PDCD2L: variants seen among roughly 807,000 people sequenced by gnomAD.
PDCD2L encodes the protein programmed cell death 2 like.
In PDCD2L, 44 loss-of-function variants were observed where a neutral mutation model predicts 40.4. That is an observed-to-expected ratio of 1.09 (90% confidence interval 0.86 to 1.40). PDCD2L has a LOEUF of 1.40. Ranked by LOEUF, PDCD2L falls within the 40% of genes most tolerant of loss-of-function variation. PDCD2L has a pLI of 0.00. For missense variants in PDCD2L, 470 were observed against 453.7 expected (o/e 1.04, Z -0.33); for synonymous variants, 194 against 174.6 (o/e 1.11, Z -0.88).
At chr19:34,410,119 G>C (rs1393467795) in intron 4 of PDCD2L, among the ~76,000 whole-genome samples, 2 of 152,130 alleles carry the variant, frequency 1.3e-5, no homozygotes, top group African/African-American at 4.8e-5. Flanking sequence ...TTGACTGAGA[G>C]AGACAGGGTC....
At chr19:34,425,150 T>A (rs1568362368) in intron 6 of PDCD2L, among the ~76,000 whole-genome samples, 1 of 152,076 alleles carries the variant, frequency 6.6e-6, no homozygotes, top group Non-Finnish European at 1.5e-5. Context: ...ATATCAGGAG[T>A]TCTTATTGCT....
At position 34,404,444 on chromosome 19, in the gene PDCD2L, T is replaced by C; in HGVS notation, c.14T>C (p.Leu5Pro). 2 of 1,544,200 alleles carry C rather than the reference T, an allele frequency of 1.3e-6. No individual in the cohort carries two copies. Among genetic ancestry groups the C allele is most frequent in the Non-Finnish European group, 1.7e-6 (2 of 1,145,442 alleles). The change falls in exon 1 of 7, where the codon CTG becomes CCG. Residue 5 changes from leucine to proline, a missense_variant. Physicochemically the swap from Leu to Pro is moderately conservative, Grantham distance 98. Transcript: ENST00000246535. MAAVLKPVLLGLRDA... is the reference protein window; with the variant it reads MAAVPKPVLLGLRDA... ...CGCCCGGCGGCCATGGCGGCCGTTC[T>C]GAAGCCGGTGCTGCTGGGCCTTCGA...
Position 34,413,857 on chromosome 19 carries a change from G to A in PDCD2L, c.797+10G>A, listed in dbSNP as rs1352590132. 2 of 1,466,244 alleles carry A rather than the reference G, an allele frequency of 1.4e-6. No individual in the cohort carries two copies. The highest frequency in any genetic ancestry group is 1.9e-6 in the Non-Finnish European group (2 of 1,056,350). The allele number at this position is 1,466,244 out of a possible 1,614,324, so 90.8% of individuals were successfully genotyped here. A position where few individuals can be genotyped will look rare whatever the true frequency, so the allele number is the denominator to read the frequency against. On this transcript the variant is annotated intron_variant, in intron 5 of 6. Coordinates refer to ENST00000246535, the MANE Select transcript of PDCD2L (RefSeq NM_032346.2). ...AGGAGCAGATTTTGAGGTAAAAAAAGGCACAGTTCCTTTTATTGTTTTCCT... is the reference window on the plus strand; with the variant it reads ...AGGAGCAGATTTTGAGGTAAAAAAAAGCACAGTTCCTTTTATTGTTTTCCT...
intron 4 of PDCD2L, among the ~76,000 whole-genome samples, chr19:34,412,897 C>T (rs1398344414): frequency 6.6e-6 from 1 of 151,858 alleles, no homozygotes; most frequent in Non-Finnish European, 1.5e-5. Flanking sequence ...TGCCACCATG[C>T]CCAGCTAATT....
intron 4 of PDCD2L, among the ~76,000 whole-genome samples, chr19:34,412,024 A>G (rs2075106434): frequency 6.8e-6 from 1 of 147,858 alleles, no homozygotes; most frequent in Non-Finnish European, 1.5e-5. Context: ...AATATATATG[A>G]AAATATATAT....
chr19:34,414,060 ATACT>A (rs1396798761), intron 5 of PDCD2L, among the ~76,000 whole-genome samples: 3 of 152,172 alleles, frequency 2.0e-5, no homozygotes, highest in African/African-American at 7.2e-5. Flanking sequence ...TGTCTAACAA[ATACT>A]TACGAAGTCT....
intron 3 of PDCD2L, among the ~76,000 whole-genome samples, chr19:34,406,702 T>A (rs1307972021): frequency 6.6e-6 from 1 of 151,598 alleles, no homozygotes; most frequent in Non-Finnish European, 1.5e-5. Context: ...CAATACTCTA[T>A]TATTAACTAT....
At chr19:34,407,730 T>C (rs191783183) in intron 3 of PDCD2L, among the ~76,000 whole-genome samples, 20 of 152,300 alleles carry the variant, frequency 1.3e-4, no homozygotes, top group Admixed American at 1.2e-3. Flanking sequence ...TGTGTACATA[T>C]ATGTGGTTGT....
In PDCD2L at chr19:34,404,418, T is replaced by C; in HGVS notation, c.-13T>C. On this transcript the variant is annotated 5_prime_UTR_variant, in exon 1 of 7. Coordinates refer to ENST00000246535, the MANE Select transcript of PDCD2L (RefSeq NM_032346.2). ...CGCCGTAGTTTGCGTTTTCACCTGG[T>C]CGCCCGGCGGCCATGGCGGCCGTTC... 6.5e-7 allele frequency: 1 copy of C among 1,539,354 alleles called. No homozygotes were observed. Among genetic ancestry groups the C allele is most frequent in the Non-Finnish European group, 8.7e-7 (1 of 1,143,440 alleles).
chr19:34,410,471 C>T (rs901500623), intron 4 of PDCD2L, among the ~76,000 whole-genome samples: 6 of 152,032 alleles, frequency 3.9e-5, no homozygotes, highest in Non-Finnish European at 7.4e-5. Flanking sequence ...AGGCTGGTCT[C>T]GAACTCCTGA....
At chr19:34,418,267 T>G (rs2075134598) in intron 5 of PDCD2L, among the ~76,000 whole-genome samples, 2 of 152,246 alleles carry the variant, frequency 1.3e-5, no homozygotes, top group South Asian at 4.1e-4. Flanking sequence ...TTCCTCATAC[T>G]TCTTCGCAAG....
chr19:34,411,563 G>A (rs1177860980), intron 4 of PDCD2L, among the ~76,000 whole-genome samples: 2 of 151,886 alleles, frequency 1.3e-5, no homozygotes, highest in Non-Finnish European at 2.9e-5. Flanking sequence ...GTTTACTGCA[G>A]CCTCAAACTC....
intron 5 of PDCD2L, among the ~76,000 whole-genome samples, chr19:34,417,721 A>G (rs1489825325): frequency 6.6e-6 from 1 of 152,238 alleles, no homozygotes; most frequent in East Asian, 1.9e-4. Context: ...AAAAAGAGAA[A>G]GCATTCAGAG....
chr19:34,404,963 G>A lies in PDCD2L; in HGVS notation c.309G>A (p.Val103=), dbSNP rs372294731. 6.2e-6 allele frequency: 10 copies of A among 1,614,050 alleles called. No individual in the cohort carries two copies. The highest frequency in any genetic ancestry group is 7.6e-6 in the Non-Finnish European group (9 of 1,180,036). The change falls in exon 3 of 7, where the codon GTG becomes GTA. Residue 103 remains valine, a synonymous_variant. Transcript: ENST00000246535. The part of the protein sequence containing the change: ...WKVFRSQCLQ[V]PEREAQDAQK... ...TGTTCCGCTCCCAGTGCCTGCAGGT[G>A]CCAGAGAGAGAGGCGCAGGACGCTC...
At chr19:34,420,294 C>T (rs2145470640) in intron 5 of PDCD2L, among the ~76,000 whole-genome samples, 2 of 151,368 alleles carry the variant, frequency 1.3e-5, no homozygotes, top group Middle Eastern at 6.8e-3. Context: ...CCCGGCCTAC[C>T]TTGTCCACTA....
chr19:34,406,387 TA>T (rs1390370116), intron 3 of PDCD2L, among the ~76,000 whole-genome samples: 4 of 151,128 alleles, frequency 2.6e-5, no homozygotes, highest in Admixed American at 2.6e-4. Flanking sequence ...ACAATACTCT[TA>T]TTTTTTTTTT....
chr19:34,405,130 C>T, intron 3 of PDCD2L, 140 bp downstream of exon 3: 4 of 497,602 alleles, frequency 8.0e-6, no homozygotes, highest in South Asian at 7.7e-5. Context: ...CCATAAAATG[C>T]TATTTTCGTA....
In PDCD2L at chr19:34,409,372, C is replaced by G; in HGVS notation, c.548C>G (p.Pro183Arg). ...GCCCATCCTGTGCCTCCTGGGCTGC[C>G]GCTCTTCCTGCCCTACTACATCTGT... is the stretch of plus-strand genomic sequence containing the variant. ...GAAHPVPPGL[P>R]LFLPYYICVA... The change falls in exon 4 of 7, where the codon CCG becomes CGG. Residue 183 changes from proline to arginine, a missense_variant. Physicochemically the swap from Pro to Arg is moderately radical, Grantham distance 103. Coordinates refer to ENST00000246535, the MANE Select transcript of PDCD2L (RefSeq NM_032346.2). 6.2e-7 allele frequency: 1 copy of G among 1,614,184 alleles called. No homozygotes were observed. Among genetic ancestry groups the G allele is most frequent in the Non-Finnish European group, 8.5e-7 (1 of 1,180,028 alleles).
intron 4 of PDCD2L, among the ~76,000 whole-genome samples, chr19:34,411,229 G>T (rs1209069785): frequency 1.4e-5 from 2 of 143,402 alleles, no homozygotes; most frequent in African/African-American, 2.6e-5. Flanking sequence ...GCAGTGGTGT[G>T]GTGTGGTTAT....
Sources: gnomAD v4.1 joint callset for allele counts (sites outside exome capture counted in the v4.1 genomes callset) on GRCh38, gnomAD v4.1.1 for gene constraint, MANE v1.5 for transcripts, NCBI Gene and HGNC (gene_info 2026-07-23, HGNC 2026-07-21) for gene names.